Variants in CES5A observed in about 807,000 individuals in gnomAD.
CES5A encodes carboxylesterase 5A, also known as carboxylesterase 5.
Under a neutral mutation model 62.9 loss-of-function variants are expected in CES5A, and 67 were observed. The ratio of observed to expected loss-of-function variants is 1.07; its 90% CI spans 0.88 to 1.31. The LOEUF (loss-of-function observed/expected upper bound fraction) is 1.31. Ranked by LOEUF, CES5A falls within the 50% of genes most tolerant of loss-of-function variation. CES5A has a pLI of 0.00. For missense variants in CES5A, 748 were observed against 708.5 expected, an observed-to-expected ratio of 1.06 and a Z score of -0.63; for synonymous variants, 296 against 280.8, an observed-to-expected ratio of 1.05 and a Z score of -0.54.
upstream of CES5A, among the ~76,000 whole-genome samples, chr16:55,926,264 T>A (rs2034256651): frequency 6.6e-6 from 1 of 152,278 alleles, no homozygotes; most frequent in South Asian, 2.1e-4. Flanking sequence ...TATAAATTTT[T>A]AAAAAAGAAT....
chr16:55,911,229 C>T (rs2034089034), intron 1 of CES5A, among the ~76,000 whole-genome samples: 1 of 152,160 alleles, frequency 6.6e-6, no homozygotes, highest in South Asian at 2.1e-4. Context: ...TATATCTGTG[C>T]TCCCGCTTAC....
intron 1 of CES5A, among the ~76,000 whole-genome samples, chr16:55,920,908 T>G (rs1249257796): frequency 6.6e-6 from 1 of 152,106 alleles, no homozygotes; most frequent in East Asian, 1.9e-4. Context: ...CACAGAAACT[T>G]AACAAAGACT....
chr16:55,849,192 C>G (rs1437513132), intron 11 of CES5A, among the ~76,000 whole-genome samples: 1 of 152,056 alleles, frequency 6.6e-6, no homozygotes, highest in East Asian at 1.9e-4. Flanking sequence ...CAAGCATTTA[C>G]AAAGCTCTTC....
intron 3 of CES5A, 139 bp from the exon 4 acceptor site, chr16:55,869,883 A>T: frequency 2.4e-6 from 3 of 1,242,824 alleles, no homozygotes. Context: ...CATTTGAAGA[A>T]GGCCCAGGGT....
At chr16:55,856,318 T>C (rs1300595659) in intron 9 of CES5A, 59 bp downstream of exon 9, 2 of 1,512,498 alleles carry the variant, frequency 1.3e-6, no homozygotes, top group Non-Finnish European at 1.8e-6. Context: ...GAGTGTGACC[T>C]AGGGCTATCT....
chr16:55,907,254 A>G (rs776357189), intron 1 of CES5A, among the ~76,000 whole-genome samples: 3 of 152,224 alleles, frequency 2.0e-5, no homozygotes, highest in African/African-American at 4.8e-5. Flanking sequence ...ACAGAAGGGC[A>G]CTGGACTTGA....
At chr16:55,891,449 A>G (rs1470057594) in intron 1 of CES5A, among the ~76,000 whole-genome samples, 3 of 152,242 alleles carry the variant, frequency 2.0e-5, no homozygotes, top group Admixed American at 1.3e-4. Context: ...GCTTGGTTTT[A>G]TACATTTTAG....
intron 1 of CES5A, among the ~76,000 whole-genome samples, chr16:55,893,567 A>G (rs1220379973): frequency 1.3e-5 from 2 of 152,324 alleles, no homozygotes; most frequent in East Asian, 3.9e-4. Context: ...AAGCTAAAAA[A>G]TACAACACAT....
intron 2 of CES5A, among the ~76,000 whole-genome samples, chr16:55,872,835 A>G (rs898710765): frequency 1.1e-4 from 17 of 152,106 alleles, no homozygotes; most frequent in African/African-American, 4.1e-4. Flanking sequence ...TTAGCTGTCA[A>G]TTACTGTTTA....
At chr16:55,902,924 A>AATAGGAGAGATCAGAAGAAAG (rs1189402820) in intron 1 of CES5A, among the ~76,000 whole-genome samples, 1 of 152,106 alleles carries the variant, frequency 6.6e-6, no homozygotes, top group Admixed American at 6.6e-5. Context: ...TCAATATGGA[A>AATAGGAGAGATCAGAAGAAAG]ATAGGAGAGA....
intron 2 of CES5A, among the ~76,000 whole-genome samples, chr16:55,945,251 G>A (rs1401892732): frequency 6.6e-6 from 1 of 152,080 alleles, no homozygotes; most frequent in Non-Finnish European, 1.5e-5. Context: ...CATTTATTGA[G>A]CACCTATTAG....
chr16:55,952,015 A>G (rs547108027), intron 1 of CES5A, among the ~76,000 whole-genome samples: 13 of 152,266 alleles, frequency 8.5e-5, no homozygotes, highest in Non-Finnish European at 1.6e-4. Context: ...CACATGGAGC[A>G]TTCAAAAAAA....
chr16:55,871,877 G>A, intron 2 of CES5A, 114 bp from the exon 3 acceptor site: 1 of 1,096,706 alleles, frequency 9.1e-7, no homozygotes, highest in Non-Finnish European at 1.3e-6. Context: ...CTGAGCAGAA[G>A]AGGCAGCTAC....
rs564430658 is a variant in CES5A, at chr16:55,860,169, C to A, written c.916-482G>T. ...CCTGAACAAGCTTTTTTTTTGCCCA[C>A]CACCATGTAAGATGTGCCTTTGCTC... On this transcript the variant is annotated intron_variant, in intron 7 of 12. Transcript: ENST00000290567. 5.9e-5 allele frequency among the ~76,000 whole-genome samples: 9 copies of A among 151,974 alleles called. No homozygotes were observed. The South Asian group carries it at 1.9e-3, about 32-fold the overall frequency.
chr16:55,955,805 G>C, intron 1 of CES5A: 1 of 1,532,554 alleles, frequency 6.5e-7, no homozygotes, highest in Non-Finnish European at 8.7e-7. Flanking sequence ...GGGTTTGGGG[G>C]TGGGGTCCAG....
intron 1 of CES5A, among the ~76,000 whole-genome samples, chr16:55,899,852 T>C (rs995248865): frequency 3.3e-5 from 5 of 152,178 alleles, no homozygotes; most frequent in Admixed American, 3.3e-4. Flanking sequence ...GCTAAACATA[T>C]GATATTGTCT....
rs764933728 is a variant in CES5A, at chr16:55,846,437, A to G, written c.*14T>C. The G allele has an allele frequency of 2.5e-6, 4 of 1,602,558 alleles. No homozygotes were observed. Among genetic ancestry groups the G allele is most frequent in the Non-Finnish European group, 8.5e-7 (1 of 1,170,718 alleles). The stretch of plus-strand genomic sequence containing the variant: ...GGAGGAGAAGGGAAACCAAAATCAC[A>G]GAAAGATAACTTCTCAAGGAGCACA... On this transcript the variant is annotated 3_prime_UTR_variant, in exon 13 of 13. Coordinates refer to ENST00000290567, the MANE Select transcript of CES5A (RefSeq NM_001143685.2).
At chr16:55,864,934 C>T (rs1354287574) in intron 5 of CES5A, among the ~76,000 whole-genome samples, 5 of 143,808 alleles carry the variant, frequency 3.5e-5, no homozygotes, top group South Asian at 4.5e-4. Context: ...TCACCGGACA[C>T]GGTGGCTCAC....
At chr16:55,912,122 C>T (rs1413790241) in intron 1 of CES5A, among the ~76,000 whole-genome samples, 1 of 152,150 alleles carries the variant, frequency 6.6e-6, no homozygotes, top group African/African-American at 2.4e-5. Context: ...TTCTCATGGG[C>T]CTGACTGTCG....
Sources: gnomAD v4.1 joint callset for allele counts (sites outside exome capture counted in the v4.1 genomes callset) on GRCh38, gnomAD v4.1.1 for gene constraint, MANE v1.5 for transcripts, NCBI Gene and HGNC (gene_info 2026-07-23, HGNC 2026-07-21) for gene names.